Variants in DIAPH2 observed in about 807,000 individuals in gnomAD.
DIAPH2 encodes diaphanous related formin 2, also known as protein diaphanous homolog 2.
A neutral mutation model predicts 92.7 loss-of-function variants in DIAPH2; 35 were observed. The observed-to-expected ratio is 0.38, with a 90% CI of 0.29 to 0.50. The LOEUF (loss-of-function observed/expected upper bound fraction) is 0.50, where lower values mean the gene tolerates loss of function less well. Among genes scored for constraint, DIAPH2 ranks in the 20% least tolerant of loss-of-function variants. The pLI is 0.94. For synonymous variants in DIAPH2, 301 were observed against 280.4 expected (o/e 1.07, Z -0.73); for missense variants, 701 against 819.5 (o/e 0.86, Z 1.77).
chrX:97,264,898 G>A (rs760133278), intron 23 of DIAPH2, among the ~76,000 whole-genome samples: 2 of 111,171 alleles, frequency 1.8e-5, no homozygotes, highest in Non-Finnish European at 3.8e-5. Flanking sequence ...GCAGAAAATT[G>A]CTTGAACCCG....
At chrX:97,192,253 C>T (rs1602406089) in intron 22 of DIAPH2, among the ~76,000 whole-genome samples, 1 of 94,668 alleles carries the variant, frequency 1.1e-5, no homozygotes, top group African/African-American at 4.2e-5. Context: ...AAGATTGTGC[C>T]ACTGCACTCC....
rs758318611 is a variant in DIAPH2, at chrX:96,837,404, CCTCTCT to C, written c.448-44150_448-44145del. Among the ~76,000 whole-genome samples the C allele has an allele frequency of 1.6e-3, 106 of 66,057 alleles. 1 individual carries two copies. Among genetic ancestry groups the C allele is most frequent in the African/African-American group, 4.6e-3 (91 of 19,724 alleles). The allele number at this position is 66,057 out of a possible 115,157, so 57.4% of individuals were successfully genotyped here. On this transcript the variant is annotated intron_variant, in intron 4 of 26. Transcript: ENST00000324765. ...CCTTCCCTCCCTCCCTTCCTCCCTCCCTCTCTCTCTCTCTCTCTCTCTCTCTCTCTG... is the reference window on the plus strand; with the variant it reads ...CCTTCCCTCCCTCCCTTCCTCCCTCCCTCTCTCTCTCTCTCTCTCTCTCTG...
intron 1 of DIAPH2, among the ~76,000 whole-genome samples, chrX:96,718,336 G>GTTTTTTTTTTTTTTTTTTTTGTTTTTT (rs2063965880): frequency 9.1e-5 from 1 of 10,987 alleles, no homozygotes; most frequent in Non-Finnish European, 1.4e-4. Context: ...CATTTTCTTT[G>GTTTTTTTTTTTTTTTTTTTTGTTTTTT]TTTTTTTTTT....
At chrX:97,285,051 T>G (rs1302033733) in intron 23 of DIAPH2, among the ~76,000 whole-genome samples, 1 of 111,436 alleles carries the variant, frequency 9.0e-6, no homozygotes, top group African/African-American at 3.3e-5. Context: ...TATAAAACAA[T>G]GAAAAACAGT....
chrX:96,973,688 C>CTTTTTTTTTTTTTTTT, intron 17 of DIAPH2, among the ~76,000 whole-genome samples: 1 of 46,692 alleles, frequency 2.1e-5, no homozygotes, highest in African/African-American at 9.2e-5. Flanking sequence ...TGAATATTTG[C>CTTTTTTTTTTTTTTTT]TTTTTTTTTT....
At chrX:97,059,370 C>G (rs994095921) in intron 17 of DIAPH2, among the ~76,000 whole-genome samples, 84 of 111,563 alleles carry the variant, frequency 7.5e-4, no homozygotes, top group Non-Finnish European at 4.9e-4. Context: ...AATAGTGCAC[C>G]TGGTATCAGA....
intron 24 of DIAPH2, among the ~76,000 whole-genome samples, chrX:97,358,818 C>T (rs929028463): frequency 3.6e-5 from 4 of 111,683 alleles, no homozygotes; most frequent in African/African-American, 9.8e-5. Context: ...ATTAATACCT[C>T]GGTACATATC....
intron 24 of DIAPH2, among the ~76,000 whole-genome samples, chrX:97,363,093 A>C (rs2069340957): frequency 1.8e-5 from 2 of 112,500 alleles, no homozygotes; most frequent in South Asian, 7.3e-4. Context: ...AGTCTTGCCA[A>C]GGGCTTTATT....
intron 4 of DIAPH2, among the ~76,000 whole-genome samples, chrX:96,845,024 C>T (rs1304527007): frequency 8.9e-6 from 1 of 112,088 alleles, no homozygotes; most frequent in Non-Finnish European, 1.9e-5. Context: ...TACATATGGG[C>T]TGGTCTCACT....
chrX:96,939,244 A>G (rs764061837), intron 11 of DIAPH2, 22 bp from the exon 12 acceptor site: 2 of 712,943 alleles, frequency 2.8e-6, no homozygotes, highest in Admixed American at 2.6e-5. Context: ...AGGATCTTTA[A>G]TATTTTTCCT....
At chrX:97,549,596 T>G (rs1454699592) in intron 26 of DIAPH2, among the ~76,000 whole-genome samples, 1 of 111,865 alleles carries the variant, frequency 8.9e-6, no homozygotes, top group African/African-American at 3.2e-5. Context: ...AATAGTACAT[T>G]TATCAACATT....
intron 23 of DIAPH2, among the ~76,000 whole-genome samples, chrX:97,344,813 G>A (rs1198440768): frequency 8.9e-6 from 1 of 112,232 alleles, no homozygotes; most frequent in Non-Finnish European, 1.9e-5. Flanking sequence ...TATGATAAAT[G>A]GGGAACATAC....
At chrX:97,095,651 C>G (rs919703986) in intron 19 of DIAPH2, among the ~76,000 whole-genome samples, 9 of 110,433 alleles carry the variant, frequency 8.1e-5, no homozygotes, top group Non-Finnish European at 1.7e-4. Context: ...TATGTTTTGG[C>G]AAGAAGGAAA....
At chrX:96,723,916 A>T (rs981154145) in intron 1 of DIAPH2, among the ~76,000 whole-genome samples, 9 of 71,267 alleles carry the variant, frequency 1.3e-4, no homozygotes, top group Non-Finnish European at 2.0e-4. Flanking sequence ...TGATTCTATA[A>T]TTTTTTTTTT....
chrX:97,119,062 A>AT (rs373805967), intron 21 of DIAPH2, among the ~76,000 whole-genome samples: 6 of 109,887 alleles, frequency 5.5e-5, no homozygotes, highest in African/African-American at 1.3e-4. Flanking sequence ...TAAATCAGGG[A>AT]TTTTTTTTCT....
Position 96,685,177 on chromosome X carries a change from A to T in DIAPH2, c.119A>T (p.Asn40Ile). The stretch of plus-strand genomic sequence containing the variant: ...GCCGCCAATGAAGAGGAAACGAAAA[A>T]CAAACCCAAATTGGTGAGTGCTCCC... ...NRAANEEETK[N>I]KPKLNIQIKT... Residue 40 changes from asparagine (N) to isoleucine (I), a missense_variant, in exon 1 of 27, where the codon AAC becomes ATC. Physicochemically the swap from Asn to Ile is moderately radical, Grantham distance 149 (BLOSUM62 -3). Around this residue, in one of 3 missense-constraint regions of DIAPH2, gnomAD observed 131 missense variants for 145.6 expected, o/e 0.90. Transcript: ENST00000324765. 1 of 1,003,070 alleles carries T rather than the reference A, an allele frequency of 1.0e-6. No homozygotes were observed. Among genetic ancestry groups the T allele is most frequent in the African/African-American group, 2.0e-5 (1 of 50,886 alleles). The allele number at this position is 1,003,070 out of a possible 1,213,427, so 82.7% of individuals were successfully genotyped here.
At chrX:96,747,741 C>T (rs1259013682) in intron 3 of DIAPH2, among the ~76,000 whole-genome samples, 1 of 111,877 alleles carries the variant, frequency 8.9e-6, no homozygotes, top group Non-Finnish European at 1.9e-5. Context: ...CAACCCTAGT[C>T]TTTTAGAAGT....
rs1569373822 is a variant in DIAPH2 at position 96,718,358 on chromosome X, T to TTTTTTTTTTTTTTTTTTTG, written c.133-17384_133-17383insTTGTTTTTTTTTTTTTTTT. ...TTTGTTTTTTTTTTTTTTTTTTTTT[T>TTTTTTTTTTTTTTTTTTTG]TTTTTTTTTTTTTTTTATGGTGTCT... On this transcript the variant is annotated intron_variant, in intron 1 of 26. Transcript: ENST00000324765. Among the ~76,000 whole-genome samples the TTTTTTTTTTTTTTTTTTTG allele has an allele frequency of 2.0e-4, 14 of 69,415 alleles. 1 individual carries two copies. The highest frequency in any genetic ancestry group is 3.3e-4 in the Non-Finnish European group (12 of 36,004). The allele number at this position is 69,415 out of a possible 115,157, so 60.3% of individuals were successfully genotyped here.
At chrX:97,476,885 G>C (rs1271427166) in intron 26 of DIAPH2, among the ~76,000 whole-genome samples, 2 of 94,215 alleles carry the variant, frequency 2.1e-5, no homozygotes, top group Non-Finnish European at 4.2e-5. Flanking sequence ...TGGAGGTTGT[G>C]GTGAGCCGAG....
Sources: allele counts gnomAD v4.1 joint callset (sites outside exome capture counted in the v4.1 genomes callset), GRCh38; gene constraint gnomAD v4.1.1; regional missense constraint gnomAD v4.1.1; transcripts MANE v1.5; gene names NCBI Gene and HGNC (gene_info 2026-07-23, HGNC 2026-07-21).